OR51B5: variants seen among roughly 807,000 people sequenced by gnomAD.
OR51B5 encodes olfactory receptor 51B5.
For synonymous variants in OR51B5, 186 were observed against 144.8 expected, an observed-to-expected ratio of 1.28 and a Z score of -2.04; for missense variants, 456 against 374.6, an observed-to-expected ratio of 1.22 and a Z score of -1.79.
At position 5,371,006 on chromosome 11, in the gene OR51B5, C is replaced by G. The variant is rs145825732; in HGVS notation, n.85-24096G>C. The stretch of plus-strand genomic sequence containing the variant: ...TCATACTTCAGGAAAAAGACTTACA[C>G]ATGATTGGGGCTACCCAAAGGGACT... On this transcript the variant is annotated intron_variant and non_coding_transcript_variant, in intron 1 of 4. Coordinates refer to the OR51B5 transcript ENST00000415970. 6.0e-4 allele frequency among the ~76,000 whole-genome samples: 91 copies of G among 152,256 alleles called. 1 individual carries two copies. Among genetic ancestry groups the G allele is most frequent in the African/African-American group, 2.2e-3 (90 of 41,542 alleles).
At chr11:5,401,915 CTCTCT>C (rs1257133481) in intron 1 of OR51B5, among the ~76,000 whole-genome samples, 4 of 149,596 alleles carry the variant, frequency 2.7e-5, no homozygotes, top group African/African-American at 4.9e-5. Flanking sequence ...CTTTCTCTCT[CTCTCT>C]TCTTTCCTTT....
intron 1 of OR51B5, among the ~76,000 whole-genome samples, chr11:5,424,522 C>T (rs1850413230): frequency 6.6e-6 from 1 of 152,048 alleles, no homozygotes; most frequent in Admixed American, 6.5e-5. Context: ...CCTCCATCCT[C>T]CCAGTACACA....
intron 1 of OR51B5, among the ~76,000 whole-genome samples, chr11:5,353,202 G>A (rs886672895): frequency 2.6e-5 from 4 of 152,028 alleles, no homozygotes; most frequent in Non-Finnish European, 5.9e-5. Context: ...GATGAGTCTA[G>A]GGAAAGTATC....
intron 1 of OR51B5, among the ~76,000 whole-genome samples, chr11:5,377,042 A>G (rs990824948): frequency 6.6e-6 from 1 of 152,234 alleles, no homozygotes; most frequent in African/African-American, 2.4e-5. Flanking sequence ...CCTGATGAAC[A>G]TCGATGCAAA....
At chr11:5,383,237 C>T (rs1345032549) in intron 1 of OR51B5, among the ~76,000 whole-genome samples, 1 of 152,166 alleles carries the variant, frequency 6.6e-6, no homozygotes, top group Non-Finnish European at 1.5e-5. Flanking sequence ...GCCTGAGACA[C>T]TGACCTGGAC....
intron 1 of OR51B5, chr11:5,423,033 T>C (rs1850379847): frequency 6.2e-7 from 1 of 1,614,050 alleles, no homozygotes; most frequent in South Asian, 1.1e-5. Context: ...CATGTTATCA[T>C]GGCCAATATC....
chr11:5,393,075 G>A (rs1174503752), intron 1 of OR51B5: 1 of 152,134 alleles, frequency 6.6e-6, no homozygotes, highest in Non-Finnish European at 1.5e-5. Context: ...TCTCAGAAAT[G>A]CCACTTCTAA....
At chr11:5,369,597 A>C (rs1312727011) in intron 1 of OR51B5, among the ~76,000 whole-genome samples, 1 of 152,156 alleles carries the variant, frequency 6.6e-6, no homozygotes, top group Admixed American at 6.6e-5. Flanking sequence ...TATATACTCC[A>C]TGTATATTAA....
rs1263401248 is a variant in OR51B5 at position 5,397,283 on chromosome 11, G to T, written n.85-50373C>A. ...TGAACAGGCAACCTACACAATGGGA[G>T]AAAATTTTTGCAATCTACTCATCTG... On this transcript the variant is annotated intron_variant and non_coding_transcript_variant, in intron 1 of 4. Transcript: ENST00000415970. Among the ~76,000 whole-genome samples, 4 of 152,076 alleles carry T rather than the reference G, an allele frequency of 2.6e-5. No individual in the cohort carries two copies. The East Asian group carries it at 7.7e-4, about 29-fold the overall frequency.
intron 1 of OR51B5, chr11:5,422,675 C>T (rs774730760): frequency 6.8e-6 from 11 of 1,610,680 alleles, no homozygotes; most frequent in Non-Finnish European, 9.3e-6. Context: ...TCTGGCGGTT[C>T]TTCCCTCCCT....
intron 1 of OR51B5, chr11:5,391,424 A>G (rs549899863): frequency 6.6e-6 from 1 of 152,344 alleles, no homozygotes; most frequent in East Asian, 1.9e-4. Context: ...GTCCATTAGA[A>G]TGACTAAATC....
chr11:5,377,033 C>T (rs77635549), intron 1 of OR51B5, among the ~76,000 whole-genome samples: 41,189 of 151,948 alleles, frequency 0.27, 5,854 homozygotes, highest in African/African-American at 0.33. Flanking sequence ...ATGAATATCC[C>T]TGATGAACAT....
chr11:5,453,136 T>C (rs899620713), intron 1 of OR51B5: 3 of 171,238 alleles, frequency 1.8e-5, no homozygotes, highest in Non-Finnish European at 3.7e-5. Context: ...GTAGTTAGCA[T>C]ATTTCTATTG....
intron 1 of OR51B5, among the ~76,000 whole-genome samples, chr11:5,501,544 A>C (rs2133820668): frequency 6.8e-6 from 1 of 147,676 alleles, no homozygotes; most frequent in Non-Finnish European, 1.5e-5. Flanking sequence ...CTCTTGTCTA[A>C]GAAGCTTGAC....
chr11:5,499,581 T>G (rs762112310), intron 1 of OR51B5, among the ~76,000 whole-genome samples: 3 of 152,216 alleles, frequency 2.0e-5, no homozygotes, highest in Admixed American at 6.5e-5. Flanking sequence ...GTATTTTTTA[T>G]ATTCCTCTGA....
chr11:5,377,535 A>T (rs1259317259), intron 1 of OR51B5, among the ~76,000 whole-genome samples: 6 of 152,122 alleles, frequency 3.9e-5, no homozygotes, highest in South Asian at 4.1e-4. Context: ...CTGTTTGCAG[A>T]CGACATGATT....
rs1397360650 is a variant in OR51B5, at chr11:5,480,684, C to T, written n.84+24885G>A. Among the ~76,000 whole-genome samples the T allele has an allele frequency of 2.3e-4, 34 of 151,108 alleles. No individual in the cohort carries two copies. In the East Asian group the frequency reaches 2.5e-3, roughly 11 times the overall value. ...AAAATGATAAAGGGGATATCACCACCGATCCCACAGAAATACAAACTACCA... is the reference window on the plus strand; with the variant it reads ...AAAATGATAAAGGGGATATCACCACTGATCCCACAGAAATACAAACTACCA... On this transcript the variant is annotated intron_variant and non_coding_transcript_variant, in intron 1 of 4. Transcript: ENST00000415970.
chr11:5,423,037 C>A, intron 1 of OR51B5: 1 of 1,614,080 alleles, frequency 6.2e-7, no homozygotes. Context: ...TTATCATGGC[C>A]AATATCTACC....
intron 1 of OR51B5, among the ~76,000 whole-genome samples, chr11:5,404,895 G>T (rs868801379): frequency 6.6e-6 from 1 of 152,150 alleles, no homozygotes; most frequent in Non-Finnish European, 1.5e-5. Context: ...CCCACCAGAA[G>T]GAAGAAACTC....
Sources: allele counts gnomAD v4.1 joint callset (sites outside exome capture counted in the v4.1 genomes callset), GRCh38; gene constraint gnomAD v4.1.1; transcripts MANE v1.5; gene names NCBI Gene and HGNC (gene_info 2026-07-23, HGNC 2026-07-21).